B3GLCT: variants seen among roughly 807,000 people sequenced by gnomAD.
B3GLCT encodes beta-1,3-glucosyltransferase.
Under a neutral mutation model 63.4 loss-of-function variants are expected in B3GLCT, and 65 were observed. That is an observed-to-expected ratio of 1.03 (90% confidence interval 0.84 to 1.26). B3GLCT has a LOEUF of 1.26. Among genes scored for constraint, B3GLCT ranks in the 50% most tolerant of loss-of-function variants. The probability of loss-of-function intolerance (pLI) is 0.00; values close to 1 mark genes in which losing one functional copy is unlikely to be tolerated. For synonymous variants in B3GLCT, 233 were observed against 219.2 expected (o/e 1.06, Z -0.55); for missense variants, 577 against 604.8 (o/e 0.95, Z 0.48).
In B3GLCT at chr13:31,200,031, C is replaced by A; in HGVS notation, c.-54C>A. The A allele has an allele frequency of 8.4e-7, 1 of 1,192,730 alleles. No individual in the cohort carries two copies. Among genetic ancestry groups the A allele is most frequent in the Non-Finnish European group, 1.1e-6 (1 of 932,484 alleles). 73.9% of individuals were successfully genotyped at this position (1,192,730 alleles called of 1,614,324 possible). ...GGCGGCAGCGGCGCAGCTCCGCTCC[C>A]CGCGCGTCTCCCTTCCCCGCGCCCA... On this transcript the variant is annotated 5_prime_UTR_variant, in exon 1 of 15. Coordinates refer to ENST00000343307, the MANE Select transcript of B3GLCT (RefSeq NM_194318.4).
chr13:31,317,613 CTG>C lies in B3GLCT; in HGVS notation c.1116_1117del (p.Phe373SerfsTer37). The C allele has an allele frequency of 6.2e-7, 1 of 1,614,052 alleles. No homozygotes were observed. On this transcript the variant is annotated frameshift_variant, in exon 13 of 15. Transcript: ENST00000343307. LOFTEE classifies it high-confidence loss of function. The stretch of plus-strand genomic sequence containing the variant: ...CTTAGCTGTTATGACTCCGGCGAGC[CTG>C]TGTTTCTGGGAGAGCGCTACGGCTA...
At chr13:31,234,562 G>T (rs1870552727) in intron 4 of B3GLCT, among the ~76,000 whole-genome samples, 1 of 152,192 alleles carries the variant, frequency 6.6e-6, no homozygotes, top group South Asian at 2.1e-4. Flanking sequence ...AGGTGGCCAG[G>T]TGAGAGGTGG....
In B3GLCT at chr13:31,205,751, A is replaced by G. The variant is rs147407780; in HGVS notation, c.70+5597A>G. ...CTTAACAGAATAAATTCATTTAAGC[A>G]TTTACTCAAAATGTGTATATACCAA... On this transcript the variant is annotated intron_variant, in intron 1 of 14. Coordinates refer to ENST00000343307, the MANE Select transcript of B3GLCT (RefSeq NM_194318.4). 6.5e-3 allele frequency among the ~76,000 whole-genome samples: 988 copies of G among 152,348 alleles called. 5 individuals are homozygous for G. Among genetic ancestry groups the G allele is most frequent in the Non-Finnish European group, 0.01 (709 of 68,028 alleles).
At chr13:31,272,243 T>G (rs953151846) in intron 8 of B3GLCT, among the ~76,000 whole-genome samples, 2 of 143,518 alleles carry the variant, frequency 1.4e-5, no homozygotes, top group Admixed American at 7.4e-5. Context: ...TGAGACAGAG[T>G]CTTGCTGTGT....
At chr13:31,254,743 G>A (rs946062561) in intron 6 of B3GLCT, among the ~76,000 whole-genome samples, 31 of 152,164 alleles carry the variant, frequency 2.0e-4, no homozygotes, top group Non-Finnish European at 3.1e-4. Context: ...CAGATGACAC[G>A]ATTGTATATT....
chr13:31,223,299 A>G (rs1869916199), intron 3 of B3GLCT, among the ~76,000 whole-genome samples: 1 of 152,064 alleles, frequency 6.6e-6, no homozygotes, highest in Non-Finnish European at 1.5e-5. Context: ...TCTCTGGGGG[A>G]ATGCAGAGGG....
At chr13:31,204,280 C>T (rs1169147003) in intron 1 of B3GLCT, among the ~76,000 whole-genome samples, 1 of 152,126 alleles carries the variant, frequency 6.6e-6, no homozygotes, top group African/African-American at 2.4e-5. Flanking sequence ...GCTGGTTTGG[C>T]AGAGGGTGCT....
chr13:31,296,019 C>T (rs1462479647), intron 12 of B3GLCT, among the ~76,000 whole-genome samples: 2 of 152,144 alleles, frequency 1.3e-5, no homozygotes, highest in Non-Finnish European at 2.9e-5. Flanking sequence ...CTGGAATGCA[C>T]CATTCCTCAT....
At chr13:31,213,772 G>A (rs1211155666) in intron 1 of B3GLCT, among the ~76,000 whole-genome samples, 2 of 152,010 alleles carry the variant, frequency 1.3e-5, no homozygotes, top group Non-Finnish European at 2.9e-5. Context: ...AGGTGGATAA[G>A]GAGGGTGTGG....
chr13:31,299,383 G>A (rs1350068770), intron 12 of B3GLCT, among the ~76,000 whole-genome samples: 1 of 152,094 alleles, frequency 6.6e-6, no homozygotes, highest in Non-Finnish European at 1.5e-5. Context: ...AATATCTTCT[G>A]TTTAGTTGTT....
At chr13:31,274,026 T>C (rs1872677256) in intron 8 of B3GLCT, among the ~76,000 whole-genome samples, 1 of 152,216 alleles carries the variant, frequency 6.6e-6, no homozygotes. Context: ...GGTGCCTTTT[T>C]TTCCCCAGGA....
chr13:31,299,340 G>A (rs547141509), intron 12 of B3GLCT, among the ~76,000 whole-genome samples: 5 of 152,276 alleles, frequency 3.3e-5, no homozygotes, highest in Admixed American at 3.3e-4. Flanking sequence ...TCCTTGGTCT[G>A]AAGAAATGAC....
At chr13:31,294,505 A>C (rs1217775098) in intron 12 of B3GLCT, among the ~76,000 whole-genome samples, 1 of 151,778 alleles carries the variant, frequency 6.6e-6, no homozygotes, top group Non-Finnish European at 1.5e-5. Context: ...GGCTTTGTTC[A>C]TTTTTCATTC....
intron 1 of B3GLCT, among the ~76,000 whole-genome samples, chr13:31,207,294 T>C (rs887908672): frequency 1.3e-5 from 2 of 152,048 alleles, no homozygotes; most frequent in Non-Finnish European, 2.9e-5. Context: ...CTAATTTTTT[T>C]TTTTTGTTTG....
chr13:31,296,604 GCTACTAGT>G (rs1254208746), intron 12 of B3GLCT, among the ~76,000 whole-genome samples: 1 of 152,134 alleles, frequency 6.6e-6, no homozygotes, highest in Non-Finnish European at 1.5e-5. Flanking sequence ...TTTCATAACA[GCTACTAGT>G]CTTCTCTTAG....
intron 4 of B3GLCT, among the ~76,000 whole-genome samples, chr13:31,237,999 A>G (rs1870743048): frequency 6.6e-6 from 1 of 152,210 alleles, no homozygotes; most frequent in Admixed American, 6.5e-5. Context: ...TCATTTGAAT[A>G]TTTATCTGAT....
intron 1 of B3GLCT, among the ~76,000 whole-genome samples, chr13:31,210,715 G>A (rs898905661): frequency 2.0e-5 from 3 of 152,080 alleles, no homozygotes; most frequent in African/African-American, 7.2e-5. Context: ...AGCATATTCA[G>A]TGCCTTCACA....
intron 12 of B3GLCT, among the ~76,000 whole-genome samples, chr13:31,287,968 A>AC (rs1213599563): frequency 6.6e-6 from 1 of 152,260 alleles, no homozygotes; most frequent in Non-Finnish European, 1.5e-5. Flanking sequence ...AAGATAAAAA[A>AC]TAATTTTAGA....
At chr13:31,328,421 A>G (rs1014751990) in intron 14 of B3GLCT, among the ~76,000 whole-genome samples, 10 of 152,142 alleles carry the variant, frequency 6.6e-5, no homozygotes, top group Non-Finnish European at 1.5e-5. Flanking sequence ...TGGCTGGGCA[A>G]AGTGGCTCAC....
Sources: allele counts gnomAD v4.1 joint callset (sites outside exome capture counted in the v4.1 genomes callset), GRCh38; gene constraint gnomAD v4.1.1; transcripts MANE v1.5; gene names NCBI Gene and HGNC (gene_info 2026-07-23, HGNC 2026-07-21).